Variants in DYSF observed in about 807,000 individuals in gnomAD.
DYSF encodes the protein dystrophy-associated fer-1-like 1.
A neutral mutation model predicts 274.9 loss-of-function variants in DYSF; 212 were observed. The observed-to-expected ratio is 0.77, with a 90% CI of 0.69 to 0.86. DYSF has a LOEUF of 0.86. Among genes scored for constraint, DYSF ranks in the 40% least tolerant of loss-of-function variants. The pLI is 0.00. For missense variants in DYSF, 2,666 were observed against 2,783.2 expected (o/e 0.96, Z 0.95); for synonymous variants, 1,091 against 1,078.7 (o/e 1.01, Z -0.22).
intron 54 of DYSF, 66 bp downstream of exon 54, chr2:71,681,176 C>T: frequency 1.4e-6 from 2 of 1,433,416 alleles, no homozygotes; most frequent in Non-Finnish European, 1.9e-6. Flanking sequence ...GTCCAGGAGG[C>T]ATCCCATTGC....
chr2:71,487,676 T>C (rs2083471370), intron 3 of DYSF, among the ~76,000 whole-genome samples: 1 of 152,064 alleles, frequency 6.6e-6, no homozygotes, highest in Admixed American at 6.6e-5. Flanking sequence ...ACCTGGCTAG[T>C]TTTTGTGTTT....
intron 7 of DYSF, 23 bp downstream of exon 7, chr2:71,513,944 C>A (rs568963475): frequency 6.2e-7 from 1 of 1,613,776 alleles, no homozygotes; most frequent in Admixed American, 1.7e-5. Context: ...CTTTCTCTGA[C>A]CCCAGGCTCC....
intron 55 of DYSF, among the ~76,000 whole-genome samples, chr2:71,683,178 T>C (rs2095316130): frequency 6.6e-6 from 1 of 152,192 alleles, no homozygotes. Context: ...GAGTGTGTCC[T>C]GCCTCCTGCA....
chr2:71,564,153 C>T lies in DYSF; in HGVS notation c.2505C>T (p.Ser835=). Residue 835 remains serine, a synonymous_variant, in exon 24 of 56, where the codon TCC becomes TCT. Coordinates refer to ENST00000410020, the MANE Select transcript of DYSF (RefSeq NM_001130987.2). Reference sequence around the variant, plus strand: ...TGCCCGCCCACCAAGTCCTCTTCTCCCGGCGGGGTGCCAACTACTGTGGCA... The same window carrying T: ...TGCCCGCCCACCAAGTCCTCTTCTCTCGGCGGGGTGCCAACTACTGTGGCA... The part of the protein sequence containing the change: ...QRVPAHQVLF[S]RRGANYCGKN... 6.2e-7 allele frequency: 1 copy of T among 1,614,272 alleles called. No individual in the cohort carries two copies. Among genetic ancestry groups the T allele is most frequent in the Non-Finnish European group, 8.5e-7 (1 of 1,180,052 alleles).
chr2:71,498,714 A>G (rs1157628434), intron 3 of DYSF, among the ~76,000 whole-genome samples: 6 of 152,242 alleles, frequency 3.9e-5, no homozygotes, highest in African/African-American at 1.4e-4. Context: ...AAGTTAAACT[A>G]TAAACTAAAA....
chr2:71,521,688 C>G (rs1026461527), intron 12 of DYSF, among the ~76,000 whole-genome samples: 1 of 152,240 alleles, frequency 6.6e-6, no homozygotes, highest in East Asian at 1.9e-4. Flanking sequence ...CGTGTCTCCC[C>G]CATCCTCACC....
upstream of DYSF, among the ~76,000 whole-genome samples, chr2:71,465,462 A>G (rs1473056528): frequency 6.6e-6 from 1 of 152,096 alleles, no homozygotes; most frequent in Non-Finnish European, 1.5e-5. Flanking sequence ...GACAAGACAT[A>G]TAGTATGATT....
intron 24 of DYSF, among the ~76,000 whole-genome samples, chr2:71,567,655 GGA>G (rs1452888667): frequency 6.6e-6 from 1 of 152,168 alleles, no homozygotes; most frequent in Non-Finnish European, 1.5e-5. Context: ...GAAGGGGAGA[GGA>G]GAGGTCCTGG....
In DYSF at chr2:71,570,749, A is replaced by G. The variant is rs749135257; in HGVS notation, c.3228+8A>G. The G allele has an allele frequency of 1.9e-6, 3 of 1,613,574 alleles. No homozygotes were observed. The Admixed American group carries it at 5.0e-5, about 27-fold the overall frequency. On this transcript the variant is annotated splice_region_variant and intron_variant, in intron 29 of 55. Coordinates refer to ENST00000410020, the MANE Select transcript of DYSF (RefSeq NM_001130987.2). The stretch of plus-strand genomic sequence containing the variant: ...ATGGAAGCACTGAAAAGGGTGAGCC[A>G]GCAGGTGGTGGGTGGGAGTGAGGCC...
chr2:71,625,518 C>G (rs565990368), intron 41 of DYSF, among the ~76,000 whole-genome samples: 3 of 152,144 alleles, frequency 2.0e-5, no homozygotes, highest in African/African-American at 7.2e-5. Context: ...TATTCTGTTC[C>G]ATTGGTCTGT....
At chr2:71,549,663 C>A (rs1278990053) in intron 17 of DYSF, among the ~76,000 whole-genome samples, 1 of 150,968 alleles carries the variant, frequency 6.6e-6, no homozygotes, top group Non-Finnish European at 1.5e-5. Context: ...CGAGTTAGAC[C>A]ACTCTGTCTG....
At chr2:71,483,323 C>T (rs945306948) in intron 3 of DYSF, among the ~76,000 whole-genome samples, 2 of 152,170 alleles carry the variant, frequency 1.3e-5, no homozygotes, top group Non-Finnish European at 2.9e-5. Flanking sequence ...CTGTGGAAGG[C>T]AAGGCAGCCG....
At chr2:71,482,850 G>A (rs1285290680) in intron 3 of DYSF, among the ~76,000 whole-genome samples, 1 of 152,116 alleles carries the variant, frequency 6.6e-6, no homozygotes, top group Admixed American at 6.5e-5. Context: ...TGCCATTTAC[G>A]GAGGTCTAGG....
At chr2:71,635,508 GA>G (rs1449755637) in intron 41 of DYSF, among the ~76,000 whole-genome samples, 1 of 152,214 alleles carries the variant, frequency 6.6e-6, no homozygotes, top group Non-Finnish European at 1.5e-5. Context: ...AGCACTTTGG[GA>G]GGCAGAGGCG....
In DYSF at chr2:71,590,276, G is replaced by A; in HGVS notation, c.3562G>A (p.Asp1188Asn). 1 of 1,614,196 alleles carries A rather than the reference G, an allele frequency of 6.2e-7. No individual in the cohort carries two copies. Among genetic ancestry groups the A allele is most frequent in the Non-Finnish European group, 8.5e-7 (1 of 1,180,046 alleles). Residue 1188 changes from aspartate (D) to asparagine (N), a missense_variant, in exon 32 of 56, where the codon GAC becomes AAC. Coordinates refer to ENST00000410020, the MANE Select transcript of DYSF (RefSeq NM_001130987.2). ...CCGGGACCTGGCTGCGATGGACAAG[G>A]ACTCTTTTTCTGGTAGGTGGGAGAG... ...QARDLAAMDK[D>N]SFSDPYAIVS...
chr2:71,635,995 G>A (rs2094396351), intron 41 of DYSF, among the ~76,000 whole-genome samples: 1 of 152,088 alleles, frequency 6.6e-6, no homozygotes, highest in Non-Finnish European at 1.5e-5. Context: ...AGACAAGAAG[G>A]AAATGAGGAA....
chr2:71,516,909 T>C, intron 9 of DYSF, 80 bp from the exon 10 acceptor site: 1 of 1,283,908 alleles, frequency 7.8e-7, no homozygotes, highest in East Asian at 2.3e-5. Flanking sequence ...AGTTATTGTT[T>C]GGGAGGGAAG....
chr2:71,602,863 G>C (rs374308933), intron 36 of DYSF, 58 bp downstream of exon 36: 1 of 1,600,072 alleles, frequency 6.2e-7, no homozygotes, highest in Middle Eastern at 1.7e-4. Context: ...GGTGAAGCCA[G>C]CCTTCAAGCA....
At chr2:71,659,931 G>A (rs149080597) in intron 44 of DYSF, among the ~76,000 whole-genome samples, 68 of 152,378 alleles carry the variant, frequency 4.5e-4, no homozygotes, top group African/African-American at 1.4e-3. Flanking sequence ...GGTGGTGGGC[G>A]GAGGCCTGGT....
Sources: allele counts gnomAD v4.1 joint callset (sites outside exome capture counted in the v4.1 genomes callset), GRCh38; gene constraint gnomAD v4.1.1; transcripts MANE v1.5; gene names NCBI Gene and HGNC (gene_info 2026-07-23, HGNC 2026-07-21).